Variants in MKLN1 observed in about 807,000 individuals in gnomAD.
The protein encoded by MKLN1 is muskelin.
MKLN1 carries 18 observed loss-of-function variants against 99.0 expected under a neutral mutation model. The ratio of observed to expected loss-of-function variants is 0.18; its 90% CI spans 0.13 to 0.27. The LOEUF (loss-of-function observed/expected upper bound fraction) is 0.27, where lower values mean the gene tolerates loss of function less well. MKLN1 is among the 10% of genes least tolerant of loss of function. The pLI is 1.00. For missense variants in MKLN1, 621 were observed against 875.9 expected (o/e 0.71, Z 3.67); for synonymous variants, 288 against 293.2 (o/e 0.98, Z 0.18).
intron 14 of MKLN1, 79 bp downstream of exon 14, chr7:131,464,487 T>G (rs1796604722): frequency 2.5e-6 from 2 of 791,456 alleles, no homozygotes; most frequent in African/African-American, 1.7e-5. Flanking sequence ...TTGATTGTTT[T>G]AAATTGGATT....
At chr7:131,235,418 C>T (rs1456660761) in intron 3 of MKLN1, among the ~76,000 whole-genome samples, 2 of 152,046 alleles carry the variant, frequency 1.3e-5, no homozygotes, top group Non-Finnish European at 2.9e-5. Context: ...TCATTCTGGG[C>T]TCTGATGATT....
intron 3 of MKLN1, among the ~76,000 whole-genome samples, chr7:131,278,096 ACAGTGGCGTGATCT>A (rs2116572940): frequency 6.6e-6 from 1 of 152,082 alleles, no homozygotes; most frequent in Non-Finnish European, 1.5e-5. Flanking sequence ...AAACTGGCAT[ACAGTGGCGTGATCT>A]CAGCTCACTG....
At chr7:131,352,531 G>C (rs1186674217) in intron 1 of MKLN1, among the ~76,000 whole-genome samples, 1 of 150,816 alleles carries the variant, frequency 6.6e-6, no homozygotes, top group Non-Finnish European at 1.5e-5. Flanking sequence ...TTTTTTTTAA[G>C]TTGAAAATGT....
rs139376243 is a variant in MKLN1 at position 131,178,178 on chromosome 7, G to A, written c.-296-24679G>A. Among the ~76,000 whole-genome samples, 817 of 151,018 alleles carry A rather than the reference G, an allele frequency of 5.4e-3. 4 individuals carry two copies. The highest frequency in any genetic ancestry group is 0.019 in the African/African-American group (779 of 41,200). ...GTCACCCAGGCTGAAGTGCAATGGC[G>A]TTATCTCGGCTCATTGCAGCCTCTG... On this transcript the variant is annotated intron_variant, in intron 2 of 7. Coordinates refer to the MKLN1 transcript ENST00000416992.
intron 1 of MKLN1, among the ~76,000 whole-genome samples, chr7:131,336,922 T>C (rs1799881533): frequency 6.6e-6 from 1 of 152,208 alleles, no homozygotes; most frequent in African/African-American, 2.4e-5. Context: ...TGGTACTGAA[T>C]TCTCAGTTTT....
chr7:131,164,675 T>C (rs765002964), intron 2 of MKLN1, among the ~76,000 whole-genome samples: 9 of 152,230 alleles, frequency 5.9e-5, no homozygotes, highest in Non-Finnish European at 1.2e-4. Flanking sequence ...CATTTGTTTT[T>C]TGTTTAGTCA....
intron 10 of MKLN1, among the ~76,000 whole-genome samples, chr7:131,440,481 A>G (rs1017177585): frequency 6.6e-6 from 1 of 152,216 alleles, no homozygotes; most frequent in African/African-American, 2.4e-5. Context: ...ATTACATATG[A>G]AAAACTAAAA....
chr7:131,258,220 T>C (rs914166305), intron 3 of MKLN1, among the ~76,000 whole-genome samples: 1 of 151,946 alleles, frequency 6.6e-6, no homozygotes, highest in Admixed American at 6.6e-5. Flanking sequence ...GTGACTGTAC[T>C]CACTGTAAAT....
At chr7:131,441,792 G>A (rs914809768) in intron 10 of MKLN1, among the ~76,000 whole-genome samples, 2 of 152,210 alleles carry the variant, frequency 1.3e-5, no homozygotes, top group African/African-American at 4.8e-5. Flanking sequence ...GAAGTAGAAA[G>A]GTAGGGGGTT....
intron 1 of MKLN1, among the ~76,000 whole-genome samples, chr7:131,114,052 G>A (rs1795238105): frequency 6.6e-6 from 1 of 151,502 alleles, no homozygotes; most frequent in African/African-American, 2.5e-5. Flanking sequence ...CACATTATAA[G>A]AAAGAAATAA....
rs142000387 is a variant in MKLN1 at position 131,134,207 on chromosome 7, C to A, written c.-418-8613C>A. Among the ~76,000 whole-genome samples the A allele has an allele frequency of 1.1e-4, 17 of 152,164 alleles. No individual in the cohort carries two copies. The East Asian group carries it at 3.1e-3, about 28-fold the overall frequency. ...AGCCTTATCTTATACCTGGTCTGACCCCAGAGAAAGCTGTTGATCATTTTC... is the reference window on the plus strand; with the variant it reads ...AGCCTTATCTTATACCTGGTCTGACACCAGAGAAAGCTGTTGATCATTTTC... On this transcript the variant is annotated intron_variant, in intron 1 of 7. Coordinates refer to the MKLN1 transcript ENST00000416992.
At chr7:131,315,931 G>T (rs1258480617) in intron 3 of MKLN1, among the ~76,000 whole-genome samples, 1 of 152,204 alleles carries the variant, frequency 6.6e-6, no homozygotes, top group Non-Finnish European at 1.5e-5. Flanking sequence ...ACCTCCCTGG[G>T]ACAGAGCACT....
At chr7:131,328,535 A>G (rs1322134449) in intron 1 of MKLN1, among the ~76,000 whole-genome samples, 11 of 152,132 alleles carry the variant, frequency 7.2e-5, no homozygotes, top group Admixed American at 7.2e-4. Context: ...AAAGTTGTGG[A>G]ATCCATCTGA....
intron 1 of MKLN1, among the ~76,000 whole-genome samples, chr7:131,371,177 C>T (rs1013181077): frequency 6.6e-6 from 1 of 152,028 alleles, no homozygotes; most frequent in African/African-American, 2.4e-5. Flanking sequence ...TTGTATATGG[C>T]AACATTTAGG....
chr7:131,414,735 CA>C, intron 8 of MKLN1, 25 bp downstream of exon 8: 1 of 1,530,122 alleles, frequency 6.5e-7, no homozygotes. Flanking sequence ...CAGTGGAAAG[CA>C]AAATCTTCAT....
chr7:131,254,919 A>C (rs995899216), intron 3 of MKLN1, among the ~76,000 whole-genome samples: 1 of 152,002 alleles, frequency 6.6e-6, no homozygotes, highest in African/African-American at 2.4e-5. Flanking sequence ...TTTTAGAAAG[A>C]AGATCTCTGT....
chr7:131,415,633 A>AAT (rs1418057637), intron 8 of MKLN1, among the ~76,000 whole-genome samples: 4 of 151,780 alleles, frequency 2.6e-5, no homozygotes, highest in Non-Finnish European at 1.5e-5. Context: ...AGGTATAGGA[A>AAT]TTCACTTTCT....
At chr7:131,408,982 T>C (rs902548423) in intron 6 of MKLN1, among the ~76,000 whole-genome samples, 1 of 152,232 alleles carries the variant, frequency 6.6e-6, no homozygotes, top group African/African-American at 2.4e-5. Context: ...TGGATAGTTT[T>C]AATTTTATCT....
intron 3 of MKLN1, among the ~76,000 whole-genome samples, chr7:131,287,111 C>T (rs1677917186): frequency 6.6e-6 from 1 of 151,986 alleles, no homozygotes; most frequent in South Asian, 2.1e-4. Context: ...TGTCTCAAAA[C>T]AAAACAAAAA....
Sources: allele counts gnomAD v4.1 joint callset (sites outside exome capture counted in the v4.1 genomes callset), GRCh38; gene constraint gnomAD v4.1.1; transcripts MANE v1.5; gene names NCBI Gene and HGNC (gene_info 2026-07-23, HGNC 2026-07-21).